The following SLC22A23 variants were observed in gnomAD, a reference collection of about 807,000 sequenced individuals.
SLC22A23 encodes ion transporter protein.
A neutral mutation model predicts 61.0 loss-of-function variants in SLC22A23; 26 were observed. The observed-to-expected ratio is 0.43, with a 90% CI of 0.31 to 0.59. The LOEUF is 0.59. Among genes scored for constraint, SLC22A23 ranks in the 20% least tolerant of loss-of-function variants. SLC22A23 has a pLI of 0.11. For missense variants in SLC22A23, 796 were observed against 934.7 expected (o/e 0.85, Z 1.94); for synonymous variants, 430 against 413.9 (o/e 1.04, Z -0.47).
chr6:3,407,880 A>C (rs1379049947), intron 3 of SLC22A23, among the ~76,000 whole-genome samples: 1 of 152,266 alleles, frequency 6.6e-6, no homozygotes, highest in Non-Finnish European at 1.5e-5. Context: ...AAATGGGACA[A>C]AGCAGACATT....
At chr6:3,291,749 T>C (rs542809668) in intron 5 of SLC22A23, 1 of 152,366 alleles carries the variant, frequency 6.6e-6, no homozygotes, top group Non-Finnish European at 1.5e-5. Flanking sequence ...TCTTTGCTAT[T>C]ATAGAACTCA....
intron 3 of SLC22A23, among the ~76,000 whole-genome samples, chr6:3,365,535 G>A (rs1765751568): frequency 6.6e-6 from 1 of 152,134 alleles, no homozygotes; most frequent in African/African-American, 2.4e-5. Context: ...TTTAGGTGCT[G>A]GAGATGGAGC....
At chr6:3,344,394 C>T (rs1430790622) in intron 3 of SLC22A23, among the ~76,000 whole-genome samples, 1 of 152,150 alleles carries the variant, frequency 6.6e-6, no homozygotes, top group East Asian at 1.9e-4. Context: ...GTGCCATATT[C>T]TCCTCCCCTC....
chr6:3,371,915 G>A (rs762204034), intron 3 of SLC22A23, among the ~76,000 whole-genome samples: 9 of 151,890 alleles, frequency 5.9e-5, no homozygotes, highest in African/African-American at 1.2e-4. Flanking sequence ...ACACAGCATC[G>A]ATTGTAAGAT....
intron 3 of SLC22A23, among the ~76,000 whole-genome samples, chr6:3,366,332 CAAAAAAA>C (rs11387672): frequency 6.6e-4 from 49 of 74,156 alleles, no homozygotes; most frequent in Admixed American, 9.5e-4. Flanking sequence ...GACTCTGTCT[CAAAAAAA>C]AAAAAAAAAA....
chr6:3,438,018 C>A (rs948822340), intron 1 of SLC22A23, among the ~76,000 whole-genome samples: 1 of 152,118 alleles, frequency 6.6e-6, no homozygotes, highest in Non-Finnish European at 1.5e-5. Context: ...CATTTCACTC[C>A]CTCTAGCCAG....
At chr6:3,332,915 C>T (rs1414149299) in intron 3 of SLC22A23, among the ~76,000 whole-genome samples, 1 of 152,114 alleles carries the variant, frequency 6.6e-6, no homozygotes, top group Non-Finnish European at 1.5e-5. Context: ...CCCGTGATGT[C>T]GTTCACATGT....
chr6:3,408,542 G>A (rs1270176717), intron 3 of SLC22A23, among the ~76,000 whole-genome samples: 1 of 152,172 alleles, frequency 6.6e-6, no homozygotes, highest in African/African-American at 2.4e-5. Flanking sequence ...CTTGACACTG[G>A]CAGACATGGC....
At chr6:3,365,805 CCTTAAGTCTACTGGAAA>C (rs1187701152) in intron 3 of SLC22A23, among the ~76,000 whole-genome samples, 2 of 152,086 alleles carry the variant, frequency 1.3e-5, no homozygotes, top group African/African-American at 2.4e-5. Context: ...GCATCCTTAA[CCTTAAGTCTACTGGAAA>C]CAGCAGCAGC....
intron 3 of SLC22A23, among the ~76,000 whole-genome samples, chr6:3,368,758 G>A (rs998213454): frequency 1.3e-5 from 2 of 152,202 alleles, no homozygotes; most frequent in East Asian, 3.8e-4. Flanking sequence ...AGGAAAGACA[G>A]CCAAGATTAG....
rs113076441 is a variant in SLC22A23 at position 3,308,771 on chromosome 6, C to T, written c.1083-10553G>A. 3.9e-5 allele frequency among the ~76,000 whole-genome samples: 6 copies of T among 152,018 alleles called. No homozygotes were observed. Among genetic ancestry groups the T allele is most frequent in the South Asian group, 4.2e-4 (2 of 4,798 alleles). On this transcript the variant is annotated intron_variant, in intron 4 of 9. Coordinates refer to ENST00000406686, the MANE Select transcript of SLC22A23 (RefSeq NM_015482.2). The surrounding 1 kb of genome is among the most constrained non-coding windows in gnomAD (Gnocchi z 5.1). ...CAGCCTGACCAACATGGTGAAACCC[C>T]GTCTCTACTAAAAATACAGAAATTA... is the stretch of plus-strand genomic sequence containing the variant.
intron 3 of SLC22A23, among the ~76,000 whole-genome samples, chr6:3,405,899 TAACTGAGTC>T: frequency 6.6e-6 from 1 of 152,234 alleles, no homozygotes; most frequent in East Asian, 1.9e-4. Context: ...AAGTAATCAG[TAACTGAGTC>T]AGCTGTGAAA....
At chr6:3,274,675 T>A (rs1758732819) in intron 9 of SLC22A23, among the ~76,000 whole-genome samples, 1 of 152,114 alleles carries the variant, frequency 6.6e-6, no homozygotes, top group Admixed American at 6.5e-5. Context: ...AGATAAAAGA[T>A]CAACATACAA....
chr6:3,276,918 C>T (rs1301498014), intron 9 of SLC22A23: 1 of 152,280 alleles, frequency 6.6e-6, no homozygotes. Flanking sequence ...GCCCATGAGC[C>T]TGGGCTAGAA....
intron 6 of SLC22A23, among the ~76,000 whole-genome samples, chr6:3,287,316 G>GC (rs1760114034): frequency 6.6e-6 from 1 of 152,224 alleles, no homozygotes; most frequent in African/African-American, 2.4e-5. Context: ...CCAGGCTCAT[G>GC]CCCCACTACC....
intron 3 of SLC22A23, among the ~76,000 whole-genome samples, chr6:3,341,660 A>G (rs997325666): frequency 2.0e-5 from 3 of 152,020 alleles, no homozygotes; most frequent in Admixed American, 6.6e-5. Context: ...AGCACTTCTG[A>G]TTCACGCTGG....
At chr6:3,366,332 CAAAAA>C (rs11387672) in intron 3 of SLC22A23, among the ~76,000 whole-genome samples, 101 of 74,162 alleles carry the variant, frequency 1.4e-3, no homozygotes, top group African/African-American at 5.8e-3. Flanking sequence ...GACTCTGTCT[CAAAAA>C]AAAAAAAAAA....
At chr6:3,422,946 G>A (rs751117952) in intron 1 of SLC22A23, among the ~76,000 whole-genome samples, 1 of 152,100 alleles carries the variant, frequency 6.6e-6, no homozygotes, top group African/African-American at 2.4e-5. Flanking sequence ...GAGCCACACC[G>A]TTAAAGCTGC....
rs1772305361 is a variant in SLC22A23, at chr6:3,454,663, C to T, written c.654+1243G>A. 6.6e-6 allele frequency among the ~76,000 whole-genome samples: 1 copy of T among 152,106 alleles called. No homozygotes were observed. Among genetic ancestry groups the T allele is most frequent in the Non-Finnish European group, 1.5e-5 (1 of 68,016 alleles). ...AGGAGGTGGGTGGGATCAAGGTGAA[C>T]CCAGCTAGAAGGACCTTCCCCATTA... On this transcript the variant is annotated intron_variant, in intron 1 of 9. Transcript: ENST00000406686. This position sits in a 1 kb window ranked among gnomAD's most constrained non-coding sequence, Gnocchi z 4.3.
Sources: gnomAD v4.1 joint callset for allele counts (sites outside exome capture counted in the v4.1 genomes callset) on GRCh38, gnomAD v4.1.1 for gene constraint, Gnocchi (gnomAD v3.1) non-coding constraint, MANE v1.5 for transcripts, NCBI Gene and HGNC (gene_info 2026-07-23, HGNC 2026-07-21) for gene names.